CALN1: variants seen among roughly 807,000 people sequenced by gnomAD.
CALN1 encodes the protein calneuron 1.
Under a neutral mutation model 30.6 loss-of-function variants are expected in CALN1, and 17 were observed. That is an observed-to-expected ratio of 0.56 (90% CI 0.38 to 0.83). The LOEUF (loss-of-function observed/expected upper bound fraction) is 0.83, where lower values mean the gene tolerates loss of function less well. CALN1 is among the 40% of genes least tolerant of loss of function. The pLI is 0.00. For missense variants in CALN1, 291 were observed against 354.9 expected, an observed-to-expected ratio of 0.82 and a Z score of 1.45; for synonymous variants, 156 against 131.4, an observed-to-expected ratio of 1.19 and a Z score of -1.28.
At chr7:72,065,388 T>TGCCCCA (rs1220576508) in intron 4 of CALN1, among the ~76,000 whole-genome samples, 2 of 130,112 alleles carry the variant, frequency 1.5e-5, no homozygotes, top group Non-Finnish European at 3.2e-5. Flanking sequence ...CCCCTGCCCC[T>TGCCCCA]GCCCCAGCTG....
chr7:71,882,721 T>A (rs1347664056), intron 5 of CALN1, among the ~76,000 whole-genome samples: 3 of 152,174 alleles, frequency 2.0e-5, no homozygotes, highest in Non-Finnish European at 4.4e-5. Flanking sequence ...TCTTGCTATG[T>A]TGCCCAGGCT....
At chr7:72,053,489 G>A (rs1016355209) in intron 4 of CALN1, among the ~76,000 whole-genome samples, 5 of 152,096 alleles carry the variant, frequency 3.3e-5, no homozygotes. Context: ...TCGCCACACT[G>A]CCTTTCGCAA....
At chr7:72,450,399 G>GC (rs1156474000), upstream of CALN1, among the ~76,000 whole-genome samples, 10 of 152,102 alleles carry the variant, frequency 6.6e-5, no homozygotes, top group African/African-American at 1.9e-4. Context: ...CAATCCCAGA[G>GC]CCCCCCGACC....
At chr7:72,054,308 G>T (rs537080103) in intron 4 of CALN1, among the ~76,000 whole-genome samples, 62 of 151,556 alleles carry the variant, frequency 4.1e-4, no homozygotes, top group African/African-American at 1.2e-3. Flanking sequence ...TCTTACTGGT[G>T]TAAGATGATA....
At chr7:71,859,559 G>A (rs926801110) in intron 5 of CALN1, among the ~76,000 whole-genome samples, 1 of 152,174 alleles carries the variant, frequency 6.6e-6, no homozygotes, top group Non-Finnish European at 1.5e-5. Flanking sequence ...TGTAAGTGTG[G>A]ACTCCTGTAT....
chr7:72,033,550 CA>C (rs1801591258), intron 4 of CALN1, among the ~76,000 whole-genome samples: 1 of 152,052 alleles, frequency 6.6e-6, no homozygotes, highest in African/African-American at 2.4e-5. Context: ...GGTCATTTTC[CA>C]TGATTTTGCA....
At chr7:72,146,702 T>G (rs910201286) in intron 3 of CALN1, among the ~76,000 whole-genome samples, 1 of 152,170 alleles carries the variant, frequency 6.6e-6, no homozygotes, top group African/African-American at 2.4e-5. Context: ...GGCATCACAC[T>G]ACCTGACTTC....
intron 3 of CALN1, among the ~76,000 whole-genome samples, chr7:72,145,884 C>T (rs1786676140): frequency 6.6e-6 from 1 of 152,196 alleles, no homozygotes; most frequent in South Asian, 2.1e-4. Context: ...ATGATTATCT[C>T]AATAGATGCA....
At chr7:72,142,036 C>G (rs1213996456) in intron 3 of CALN1, among the ~76,000 whole-genome samples, 1 of 152,168 alleles carries the variant, frequency 6.6e-6, no homozygotes, top group Non-Finnish European at 1.5e-5. Context: ...TCTACAGCTC[C>G]CAGCGTGAGC....
At chr7:72,394,998 A>G (rs1302440144) in intron 2 of CALN1, among the ~76,000 whole-genome samples, 1 of 152,152 alleles carries the variant, frequency 6.6e-6, no homozygotes, top group Non-Finnish European at 1.5e-5. Context: ...AATGGTACAC[A>G]TGGGAACTGC....
At chr7:72,022,523 G>T (rs1301281309) in intron 5 of CALN1, among the ~76,000 whole-genome samples, 3 of 152,200 alleles carry the variant, frequency 2.0e-5, no homozygotes, top group Admixed American at 1.3e-4. Context: ...CTCAAGAGTA[G>T]CTGGGACTAC....
chr7:72,047,424 C>G (rs549858986), intron 4 of CALN1, among the ~76,000 whole-genome samples: 1 of 152,112 alleles, frequency 6.6e-6, no homozygotes, highest in South Asian at 2.1e-4. Flanking sequence ...CCCATCTCTA[C>G]AAAACAAATA....
intron 5 of CALN1, among the ~76,000 whole-genome samples, chr7:71,870,101 T>G (rs1584411601): frequency 6.6e-6 from 1 of 152,168 alleles, no homozygotes; most frequent in East Asian, 1.9e-4. Flanking sequence ...AAACAAAGAG[T>G]GGCTGGCGCA....
intron 5 of CALN1, among the ~76,000 whole-genome samples, chr7:71,958,826 T>C (rs1274709715): frequency 6.6e-6 from 1 of 152,202 alleles, no homozygotes; most frequent in Non-Finnish European, 1.5e-5. Flanking sequence ...CTGTGAGACC[T>C]GACCCATCAC....
intron 3 of CALN1, among the ~76,000 whole-genome samples, chr7:72,256,102 T>C (rs985087692): frequency 2.0e-5 from 3 of 152,180 alleles, no homozygotes; most frequent in Non-Finnish European, 4.4e-5. Flanking sequence ...TGTGGGGACA[T>C]TATTAGTGTC....
intron 6 of CALN1, among the ~76,000 whole-genome samples, chr7:71,806,051 C>G (rs10252212): frequency 0.22 from 32,710 of 151,988 alleles, 5,560 homozygotes; most frequent in East Asian, 0.6. Context: ...ACACATGTTG[C>G]GGGGTGGGGG....
At chr7:72,492,032 A>G in the CALN1 span, among the ~76,000 whole-genome samples, 12 of 152,218 alleles carry the variant, frequency 7.9e-5, no homozygotes, top group Admixed American at 7.9e-4. Flanking sequence ...CAGTGCCCTC[A>G]TCATGCTCCC....
intron 6 of CALN1, among the ~76,000 whole-genome samples, chr7:71,801,463 T>TCTAG (rs1787311188): frequency 2.6e-5 from 4 of 151,704 alleles, no homozygotes; most frequent in African/African-American, 9.7e-5. Context: ...TATCTATCTA[T>TCTAG]CTATCTATCG....
At chr7:72,331,429 A>AC (rs775517118) in intron 2 of CALN1, among the ~76,000 whole-genome samples, 240 of 152,280 alleles carry the variant, frequency 1.6e-3, no homozygotes, top group Non-Finnish European at 2.3e-3. Flanking sequence ...TCAGAAACCT[A>AC]CCCCTAGATA....
Sources: allele counts gnomAD v4.1 joint callset (sites outside exome capture counted in the v4.1 genomes callset), GRCh38; gene constraint gnomAD v4.1.1; transcripts MANE v1.5; gene names NCBI Gene and HGNC (gene_info 2026-07-23, HGNC 2026-07-21).